The following PCDHA10 variants were observed in gnomAD, a reference collection of about 807,000 sequenced individuals.
PCDHA10 encodes protocadherin alpha 10.
In PCDHA10, 45 loss-of-function variants were observed where a neutral mutation model predicts 61.2. That is an observed-to-expected ratio of 0.74 (90% confidence interval 0.58 to 0.94). The LOEUF (loss-of-function observed/expected upper bound fraction) is 0.94, where lower values mean the gene tolerates loss of function less well. Among genes scored for constraint, PCDHA10 ranks in the 40% least tolerant of loss-of-function variants. The pLI is 0.00. For missense variants in PCDHA10, 1,278 were observed against 1,236.2 expected, an observed-to-expected ratio of 1.03 and a Z score of -0.51; for synonymous variants, 602 against 548.8, an observed-to-expected ratio of 1.10 and a Z score of -1.35.
chr5:140,966,742 G>T, intron 1 of PCDHA10: 1 of 1,422,480 alleles, frequency 7.0e-7, no homozygotes, highest in African/African-American at 1.5e-5. Context: ...GCCCTGCCCG[G>T]CTGCCTCCGC....
At chr5:141,003,424 G>A (rs1431935325) in intron 3 of PCDHA10, among the ~76,000 whole-genome samples, 1 of 152,122 alleles carries the variant, frequency 6.6e-6, no homozygotes, top group Non-Finnish European at 1.5e-5. Context: ...TGATTCTTAT[G>A]CCTCAGCCTC....
chr5:140,882,049 T>C, intron 1 of PCDHA10: 1 of 752,814 alleles, frequency 1.3e-6, no homozygotes, highest in Non-Finnish European at 2.1e-6. Flanking sequence ...TGAGTCATAC[T>C]TACACTTACA....
intron 1 of PCDHA10, among the ~76,000 whole-genome samples, chr5:140,954,419 T>TG (rs1413660060): frequency 1.3e-5 from 2 of 151,998 alleles, no homozygotes; most frequent in African/African-American, 4.8e-5. Context: ...AAGGTGTTCC[T>TG]TTTTCTCCAT....
chr5:140,876,964 C>G, intron 1 of PCDHA10: 2 of 1,613,060 alleles, frequency 1.2e-6, no homozygotes, highest in Non-Finnish European at 1.7e-6. Context: ...GGTGGAGCGG[C>G]GGGTGGGCGA....
At chr5:140,937,085 T>G (rs1386368270) in intron 1 of PCDHA10, among the ~76,000 whole-genome samples, 2 of 150,536 alleles carry the variant, frequency 1.3e-5, no homozygotes, top group African/African-American at 4.9e-5. Context: ...TCGCCCAGGC[T>G]GGAGTGCAGT....
chr5:140,883,995 C>A (rs1371206040), intron 1 of PCDHA10: 2 of 1,612,878 alleles, frequency 1.2e-6, no homozygotes, highest in Non-Finnish European at 8.5e-7. Flanking sequence ...GCGGGAGGCA[C>A]AGTGAGCGAG....
chr5:140,997,711 C>T (rs963457412), intron 3 of PCDHA10, among the ~76,000 whole-genome samples: 4 of 151,080 alleles, frequency 2.6e-5, no homozygotes. Flanking sequence ...TTAACAAACA[C>T]CTTTCTACGT....
intron 1 of PCDHA10, among the ~76,000 whole-genome samples, chr5:140,896,646 G>C (rs1330006792): frequency 6.6e-6 from 1 of 152,078 alleles, no homozygotes; most frequent in Non-Finnish European, 1.5e-5. Flanking sequence ...CAAAGTGCTA[G>C]TATTACAGGC....
At chr5:140,978,782 A>C (rs782295456) in intron 1 of PCDHA10, 167 bp from the exon 2 acceptor site, 1 of 971,546 alleles carries the variant, frequency 1.0e-6, no homozygotes, top group African/African-American at 1.8e-5. Flanking sequence ...TTTTCTTCTA[A>C]AGTGCTATAT....
At chr5:140,877,925 T>C in intron 1 of PCDHA10, 1 of 1,421,700 alleles carries the variant, frequency 7.0e-7, no homozygotes, top group Non-Finnish European at 9.2e-7. Flanking sequence ...TTTTTCTTTA[T>C]GATTCTATCC....
intron 1 of PCDHA10, among the ~76,000 whole-genome samples, chr5:140,918,402 T>C (rs906018367): frequency 1.3e-5 from 2 of 152,212 alleles, no homozygotes; most frequent in African/African-American, 4.8e-5. Flanking sequence ...GCCTGATTTC[T>C]CTGGCCAGGA....
chr5:140,921,809 C>T (rs886599958), intron 1 of PCDHA10, among the ~76,000 whole-genome samples: 2 of 151,940 alleles, frequency 1.3e-5, no homozygotes, highest in African/African-American at 4.8e-5. Context: ...AGATAAGATA[C>T]ATGTGTGAAT....
At chr5:140,904,725 C>A (rs1554191671) in intron 1 of PCDHA10, among the ~76,000 whole-genome samples, 1 of 152,050 alleles carries the variant, frequency 6.6e-6, no homozygotes, top group Non-Finnish European at 1.5e-5. Context: ...TGGCCAACAT[C>A]TATTATTTTT....
intron 1 of PCDHA10, chr5:140,969,338 C>G: frequency 1.1e-5 from 18 of 1,613,914 alleles, no homozygotes; most frequent in Non-Finnish European, 1.4e-5. Context: ...TGAGGTGAGA[C>G]AGTGGTCAGG....
chr5:140,912,426 G>T (rs1349647535), intron 1 of PCDHA10, among the ~76,000 whole-genome samples: 1 of 151,784 alleles, frequency 6.6e-6, no homozygotes, highest in Non-Finnish European at 1.5e-5. Flanking sequence ...GTGTATAGCA[G>T]TGTTGCTGAT....
intron 1 of PCDHA10, among the ~76,000 whole-genome samples, chr5:140,931,490 C>T (rs1209591038): frequency 6.6e-6 from 1 of 151,888 alleles, no homozygotes; most frequent in Non-Finnish European, 1.5e-5. Flanking sequence ...ACCCTTCAAA[C>T]CAAATTTTTA....
At position 140,875,993 on chromosome 5, in the gene PCDHA10, T is replaced by G. The variant is rs574636926; in HGVS notation, c.2388+17557T>G. On this transcript the variant is annotated intron_variant, in intron 1 of 3. Coordinates refer to ENST00000307360, the MANE Select transcript of PCDHA10 (RefSeq NM_018901.4). The stretch of plus-strand genomic sequence containing the variant: ...TCTCTTTTGACCTATGCGTTAAGTC[T>G]AAATGAGAATTTTGAGCTTAAAATA... The G allele has an allele frequency of 3.5e-4, 564 of 1,613,988 alleles. 6 individuals are homozygous for G. In the South Asian group the frequency reaches 5.9e-3, roughly 17 times the overall value.
intron 1 of PCDHA10, chr5:140,883,291 A>G: frequency 6.2e-7 from 1 of 1,614,118 alleles, no homozygotes; most frequent in Non-Finnish European, 8.5e-7. Flanking sequence ...TGGAAGTACT[A>G]GATGTAAATG....
At chr5:140,942,737 A>C (rs180744405) in intron 1 of PCDHA10, among the ~76,000 whole-genome samples, 1 of 152,354 alleles carries the variant, frequency 6.6e-6, no homozygotes, top group East Asian at 1.9e-4. Context: ...AAAATATTTT[A>C]AAATCTTGTA....
Sources: gnomAD v4.1 joint callset for allele counts (sites outside exome capture counted in the v4.1 genomes callset) on GRCh38, gnomAD v4.1.1 for gene constraint, MANE v1.5 for transcripts, NCBI Gene and HGNC (gene_info 2026-07-23, HGNC 2026-07-21) for gene names.